The following TESK2 variants were observed in gnomAD, a reference collection of about 807,000 sequenced individuals.
TESK2 encodes dual specificity testis-specific protein kinase 2.
Under a neutral mutation model 57.1 loss-of-function variants are expected in TESK2, and 39 were observed. That is an observed-to-expected ratio of 0.68 (90% CI 0.53 to 0.89). The LOEUF is 0.89. Among genes scored for constraint, TESK2 ranks in the 40% least tolerant of loss-of-function variants. The pLI is 0.00. For synonymous variants in TESK2, 249 were observed against 267.9 expected (o/e 0.93, Z 0.69); for missense variants, 646 against 732.1 (o/e 0.88, Z 1.36).
chr1:45,463,470 G>T (rs1199272447), intron 1 of TESK2, among the ~76,000 whole-genome samples: 1 of 152,164 alleles, frequency 6.6e-6, no homozygotes, highest in African/African-American at 2.4e-5. Flanking sequence ...TGAAGAGATT[G>T]TCCTTTCCCC....
chr1:45,422,775 T>TTGTTGTTGTTGTTGTTGTTGC (rs1557567052), intron 2 of TESK2, among the ~76,000 whole-genome samples: 1 of 151,476 alleles, frequency 6.6e-6, no homozygotes, highest in Non-Finnish European at 1.5e-5. Context: ...GTTGTTGTTG[T>TTGTTGTTGTTGTTGTTGTTGC]TGTTTTTGTT....
chr1:45,484,169 C>T (rs1167998229), intron 1 of TESK2, among the ~76,000 whole-genome samples: 2 of 145,656 alleles, frequency 1.4e-5, no homozygotes, highest in Admixed American at 6.9e-5. Context: ...AGTACAGCGG[C>T]GCGATCTCGG....
intron 4 of TESK2, among the ~76,000 whole-genome samples, chr1:45,382,822 C>A (rs553057958): frequency 6.6e-5 from 10 of 152,156 alleles, no homozygotes; most frequent in Admixed American, 5.2e-4. Flanking sequence ...GAGCTGAGAT[C>A]GGGCCATTGC....
chr1:45,440,254 G>GC (rs1313278873), intron 2 of TESK2, among the ~76,000 whole-genome samples: 2 of 150,906 alleles, frequency 1.3e-5, no homozygotes, highest in East Asian at 1.9e-4. Flanking sequence ...CTTTGCCAAG[G>GC]CCCCCCCAAA....
At chr1:45,393,217 A>G (rs962094941) in intron 3 of TESK2, among the ~76,000 whole-genome samples, 2 of 152,084 alleles carry the variant, frequency 1.3e-5, no homozygotes, top group African/African-American at 4.8e-5. Flanking sequence ...CACACCATCT[A>G]CAGAGATGTC....
At position 45,443,199 on chromosome 1, in the gene TESK2, C is replaced by T. The variant is rs899413691; in HGVS notation, c.222+14365G>A. On this transcript the variant is annotated intron_variant, in intron 2 of 10. Coordinates refer to ENST00000372086, the MANE Select transcript of TESK2 (RefSeq NM_007170.3). ...GAGACCTGGCGTGAACCACTGTGCCCGGCCAACTAAGGTCTATTTTTAAGG... is the reference window on the plus strand; with the variant it reads ...GAGACCTGGCGTGAACCACTGTGCCTGGCCAACTAAGGTCTATTTTTAAGG... Among the ~76,000 whole-genome samples the T allele has an allele frequency of 5.3e-5, 8 of 152,014 alleles. No homozygotes were observed. The East Asian group carries it at 1.2e-3, about 22-fold the overall frequency.
chr1:45,469,860 C>G (rs910931506), intron 1 of TESK2, among the ~76,000 whole-genome samples: 3 of 152,174 alleles, frequency 2.0e-5, no homozygotes, highest in African/African-American at 7.2e-5. Flanking sequence ...CCCTTCATTT[C>G]AGCAAAACAA....
intron 3 of TESK2, among the ~76,000 whole-genome samples, chr1:45,404,996 G>A (rs1649778443): frequency 6.6e-6 from 1 of 152,084 alleles, no homozygotes; most frequent in Non-Finnish European, 1.5e-5. Context: ...TGTGACAGTA[G>A]TAATAACAAT....
chr1:45,443,409 T>C (rs1474588119), intron 2 of TESK2, among the ~76,000 whole-genome samples: 1 of 132,688 alleles, frequency 7.5e-6, no homozygotes, highest in Non-Finnish European at 1.6e-5. Context: ...TACTAAAAAA[T>C]ACAAAAAAAA....
intron 1 of TESK2, among the ~76,000 whole-genome samples, chr1:45,468,081 TGG>T (rs1396978447): frequency 3.3e-5 from 5 of 150,316 alleles, no homozygotes; most frequent in Non-Finnish European, 5.9e-5. Context: ...GAGGCCAAGG[TGG>T]GAGGATTGCT....
chr1:45,403,101 T>G (rs1440340834), intron 3 of TESK2, among the ~76,000 whole-genome samples: 2 of 151,558 alleles, frequency 1.3e-5, no homozygotes, highest in African/African-American at 4.9e-5. Context: ...CTGGGCAACA[T>G]AGGGAGACCT....
intron 4 of TESK2, among the ~76,000 whole-genome samples, chr1:45,373,521 CA>C (rs776787232): frequency 2.0e-5 from 3 of 152,186 alleles, no homozygotes; most frequent in Non-Finnish European, 2.9e-5. Flanking sequence ...TATGATAGAA[CA>C]ACTTCTCATT....
At chr1:45,432,758 C>CTTTT (rs1300292630) in intron 2 of TESK2, among the ~76,000 whole-genome samples, 6 of 87,652 alleles carry the variant, frequency 6.8e-5, no homozygotes, top group Non-Finnish European at 1.2e-4. Flanking sequence ...AATATTATAA[C>CTTTT]TTTTTTTTTT....
At chr1:45,381,392 T>C (rs978362665) in intron 4 of TESK2, among the ~76,000 whole-genome samples, 32 of 152,208 alleles carry the variant, frequency 2.1e-4, no homozygotes, top group Non-Finnish European at 8.8e-5. Context: ...ACTTGCTTTG[T>C]CCAATGGGAT....
chr1:45,465,880 G>A (rs1652530724), intron 1 of TESK2, among the ~76,000 whole-genome samples: 1 of 152,114 alleles, frequency 6.6e-6, no homozygotes, highest in South Asian at 2.1e-4. Flanking sequence ...GTAGCAATGT[G>A]AATGTATTTA....
chr1:45,484,933 A>G (rs1312750729), intron 1 of TESK2, among the ~76,000 whole-genome samples: 1 of 151,304 alleles, frequency 6.6e-6, no homozygotes, highest in East Asian at 2.0e-4. Context: ...CGGGAGGCCG[A>G]GGCAGGAGAA....
chr1:45,397,732 C>T (rs1390337733), intron 3 of TESK2, among the ~76,000 whole-genome samples: 3 of 152,150 alleles, frequency 2.0e-5, no homozygotes, highest in African/African-American at 7.2e-5. Flanking sequence ...CCTGAATCCT[C>T]CTACTTCCAT....
chr1:45,434,812 T>TA (rs1331886326), intron 2 of TESK2, among the ~76,000 whole-genome samples: 1 of 152,150 alleles, frequency 6.6e-6, no homozygotes, highest in East Asian at 1.9e-4. Flanking sequence ...TTCACTCTAT[T>TA]GTTTCCTTTG....
intron 3 of TESK2, among the ~76,000 whole-genome samples, chr1:45,411,025 A>T (rs544819416): frequency 3.3e-4 from 50 of 152,342 alleles, no homozygotes; most frequent in African/African-American, 1.1e-3. Context: ...AAAACTAAGG[A>T]AAGGCCACAA....
Sources: allele counts gnomAD v4.1 joint callset (sites outside exome capture counted in the v4.1 genomes callset), GRCh38; gene constraint gnomAD v4.1.1; transcripts MANE v1.5; gene names NCBI Gene and HGNC (gene_info 2026-07-23, HGNC 2026-07-21).